Variants in RALGPS2 observed in about 807,000 individuals in gnomAD.
The protein encoded by RALGPS2 is ras-specific guanine nucleotide-releasing factor RalGPS2.
Under a neutral mutation model 86.8 loss-of-function variants are expected in RALGPS2, and 43 were observed. That is an observed-to-expected ratio of 0.50 (90% CI 0.39 to 0.64). The LOEUF (loss-of-function observed/expected upper bound fraction) is 0.64, where lower values mean the gene tolerates loss of function less well. Among genes scored for constraint, RALGPS2 ranks in the 30% least tolerant of loss-of-function variants. The pLI, the probability that RALGPS2 is intolerant of heterozygous loss-of-function variation, is 0.00. For missense variants in RALGPS2, 536 were observed against 694.6 expected (o/e 0.77, Z 2.57); for synonymous variants, 243 against 231.3 (o/e 1.05, Z -0.46).
At chr1:178,839,770 C>T (rs1241866830) in intron 8 of RALGPS2, among the ~76,000 whole-genome samples, 1 of 152,178 alleles carries the variant, frequency 6.6e-6, no homozygotes, top group Non-Finnish European at 1.5e-5. Context: ...AGACCCATCT[C>T]ATGTGCAGGG....
chr1:178,875,492 A>T (rs1658960824), intron 8 of RALGPS2, among the ~76,000 whole-genome samples: 1 of 152,148 alleles, frequency 6.6e-6, no homozygotes, highest in African/African-American at 2.4e-5. Flanking sequence ...TCATGCCTGT[A>T]ATCCTAGCAC....
At position 178,906,793 on chromosome 1, in the gene RALGPS2, C is replaced by T; in HGVS notation, c.1648C>T (p.Gln550Ter). The T allele has an allele frequency of 6.2e-7, 1 of 1,608,280 alleles. No individual in the cohort carries two copies. The highest frequency in any genetic ancestry group is 8.5e-7 in the Non-Finnish European group (1 of 1,178,488). ...DSEKGNSYKF[Q>*]AGNRMNAMLW... ...AATTTTAGGAAATTCGTACAAGTTT[C>T]AAGCTGGCAATAGAATGAATGCAAT... Residue 550 changes from glutamine to a stop codon, truncating the protein, a stop_gained, in exon 19 of 20, where the codon CAA (glutamine) becomes TAA (stop). Transcript: ENST00000367635. LOFTEE classifies it high-confidence loss of function.
At chr1:178,811,486 T>A in intron 6 of RALGPS2, 82 bp downstream of exon 6, 1 of 1,008,424 alleles carries the variant, frequency 9.9e-7, no homozygotes, top group South Asian at 1.6e-5. Context: ...GATGCTTTAT[T>A]CACTGTTTAT....
chr1:178,745,475 A>C (rs548336625), intron 1 of RALGPS2, among the ~76,000 whole-genome samples: 1 of 152,262 alleles, frequency 6.6e-6, no homozygotes. Context: ...AAGCCAGTAC[A>C]TAAATGGACA....
chr1:178,752,931 AT>A (rs1252053125), intron 1 of RALGPS2, among the ~76,000 whole-genome samples: 1 of 152,204 alleles, frequency 6.6e-6, no homozygotes, highest in African/African-American at 2.4e-5. Flanking sequence ...GTAAGATACA[AT>A]TTAATAGTTC....
intron 1 of RALGPS2, among the ~76,000 whole-genome samples, chr1:178,761,543 T>C (rs1652241046): frequency 1.3e-5 from 2 of 152,102 alleles, no homozygotes; most frequent in South Asian, 4.1e-4. Context: ...TTGATAAAGC[T>C]TTCAATTGTT....
intron 8 of RALGPS2, chr1:178,853,493 T>C (rs1657319208): frequency 2.0e-6 from 2 of 1,014,482 alleles, no homozygotes; most frequent in Non-Finnish European, 2.7e-6. Flanking sequence ...TGGATAGTTA[T>C]TTTTAACTGT....
chr1:178,816,246 T>C (rs933533407), intron 6 of RALGPS2, among the ~76,000 whole-genome samples: 7 of 152,170 alleles, frequency 4.6e-5, no homozygotes, highest in Admixed American at 3.3e-4. Flanking sequence ...GTACTTGGTG[T>C]TTAATTTTTT....
intron 1 of RALGPS2, among the ~76,000 whole-genome samples, chr1:178,750,872 T>A (rs1651614835): frequency 6.6e-6 from 1 of 152,204 alleles, no homozygotes. Context: ...TTAACTGCTT[T>A]TTATTCCTGA....
chr1:178,783,515 G>A (rs530815712), intron 2 of RALGPS2, among the ~76,000 whole-genome samples: 1 of 152,232 alleles, frequency 6.6e-6, no homozygotes, highest in South Asian at 2.1e-4. Flanking sequence ...ATCGTGGCTC[G>A]ATACTTCGTA....
chr1:178,751,312 C>T (rs955193395), intron 1 of RALGPS2, among the ~76,000 whole-genome samples: 2 of 152,134 alleles, frequency 1.3e-5, no homozygotes, highest in African/African-American at 4.8e-5. Context: ...AGACTCATCT[C>T]AGATACCAGA....
intron 6 of RALGPS2, among the ~76,000 whole-genome samples, chr1:178,812,699 C>T (rs542194028): frequency 7.2e-5 from 11 of 152,132 alleles, no homozygotes; most frequent in South Asian, 2.1e-4. Flanking sequence ...GTAATAAATA[C>T]GTAACTTTCC....
intron 8 of RALGPS2, among the ~76,000 whole-genome samples, chr1:178,864,701 C>T (rs960622110): frequency 6.6e-6 from 1 of 151,748 alleles, no homozygotes; most frequent in Non-Finnish European, 1.5e-5. Context: ...AGTAGCCCCT[C>T]GATCATAAGA....
chr1:178,828,402 G>C (rs1419272925), intron 7 of RALGPS2, among the ~76,000 whole-genome samples: 3 of 152,104 alleles, frequency 2.0e-5, no homozygotes, highest in Non-Finnish European at 2.9e-5. Flanking sequence ...CCATGTTACT[G>C]TACTGAGTAG....
chr1:178,730,696 T>G (rs984373841), intron 1 of RALGPS2, among the ~76,000 whole-genome samples: 8 of 149,994 alleles, frequency 5.3e-5, no homozygotes, highest in Non-Finnish European at 7.4e-5. Flanking sequence ...AGAATTCTGT[T>G]TTTTTTTTTG....
At chr1:178,775,193 T>C (rs970050746) in intron 1 of RALGPS2, among the ~76,000 whole-genome samples, 1 of 152,168 alleles carries the variant, frequency 6.6e-6, no homozygotes, top group African/African-American at 2.4e-5. Context: ...CACAACTCTA[T>C]GAAGTAGGTA....
intron 1 of RALGPS2, among the ~76,000 whole-genome samples, chr1:178,739,277 T>C (rs1034030348): frequency 2.0e-5 from 3 of 152,216 alleles, no homozygotes; most frequent in African/African-American, 7.2e-5. Context: ...AATGTTTTCT[T>C]GTAAGCACAG....
intron 8 of RALGPS2, chr1:178,853,018 G>A (rs372846517): frequency 3.3e-6 from 5 of 1,532,932 alleles, no homozygotes; most frequent in Non-Finnish European, 4.4e-6. Flanking sequence ...TTTTTACAGA[G>A]CAGTGTTAAA....
At chr1:178,831,903 A>G (rs1004321247) in intron 7 of RALGPS2, among the ~76,000 whole-genome samples, 1 of 152,174 alleles carries the variant, frequency 6.6e-6, no homozygotes, top group Non-Finnish European at 1.5e-5. Flanking sequence ...TGAAAATTAC[A>G]AAATCATGTT....
Sources: allele counts gnomAD v4.1 joint callset (sites outside exome capture counted in the v4.1 genomes callset), GRCh38; gene constraint gnomAD v4.1.1; transcripts MANE v1.5; gene names NCBI Gene and HGNC (gene_info 2026-07-23, HGNC 2026-07-21).